CCDC88C: variants seen among roughly 807,000 people sequenced by gnomAD.
The protein encoded by CCDC88C is protein Daple.
In CCDC88C, 131 loss-of-function variants were observed where a neutral mutation model predicts 198.8. The ratio of observed to expected loss-of-function variants is 0.66; its 90% CI spans 0.57 to 0.76. The LOEUF (loss-of-function observed/expected upper bound fraction) is 0.76, where lower values mean the gene tolerates loss of function less well. Ranked by LOEUF, CCDC88C falls within the 30% of genes least tolerant of loss-of-function variation. The probability of loss-of-function intolerance (pLI) is 0.00; values close to 1 mark genes in which losing one functional copy is unlikely to be tolerated. For missense variants in CCDC88C, 2,553 were observed against 2,631.6 expected (o/e 0.97, Z 0.65); for synonymous variants, 1,166 against 1,114.7 (o/e 1.05, Z -0.92).
At chr14:91,296,584 G>T (rs1309358345) in intron 22 of CCDC88C, among the ~76,000 whole-genome samples, 2 of 152,244 alleles carry the variant, frequency 1.3e-5, no homozygotes, top group Non-Finnish European at 2.9e-5. Context: ...CAAGATCTGG[G>T]TGGGTGGCTG....
intron 24 of CCDC88C, among the ~76,000 whole-genome samples, chr14:91,289,633 G>C (rs1890576607): frequency 6.6e-6 from 1 of 152,162 alleles, no homozygotes; most frequent in Admixed American, 6.5e-5. Flanking sequence ...GCTTAATTTA[G>C]TTGGCAATTT....
intron 10 of CCDC88C, among the ~76,000 whole-genome samples, chr14:91,333,636 T>C (rs879582587): frequency 6.6e-5 from 10 of 152,244 alleles, no homozygotes; most frequent in Non-Finnish European, 2.9e-5. Flanking sequence ...CTTTTTCAGT[T>C]TCCTATAACG....
intron 10 of CCDC88C, among the ~76,000 whole-genome samples, chr14:91,335,383 C>T (rs1893006863): frequency 6.6e-6 from 1 of 152,172 alleles, no homozygotes; most frequent in Non-Finnish European, 1.5e-5. Flanking sequence ...CACCCAGACA[C>T]ACCAGGACCT....
At chr14:91,348,549 A>T (rs530341040) in intron 4 of CCDC88C, among the ~76,000 whole-genome samples, 1 of 152,092 alleles carries the variant, frequency 6.6e-6, no homozygotes, top group East Asian at 1.9e-4. Flanking sequence ...GACAGAGCAA[A>T]CGGTTCTACT....
At chr14:91,333,028 T>C (rs1892899669) in intron 10 of CCDC88C, among the ~76,000 whole-genome samples, 2 of 152,198 alleles carry the variant, frequency 1.3e-5, no homozygotes, top group African/African-American at 4.8e-5. Flanking sequence ...AGAAGCACTC[T>C]CTTCATCTGC....
chr14:91,324,492 G>A (rs764361001), intron 12 of CCDC88C, among the ~76,000 whole-genome samples: 3 of 152,276 alleles, frequency 2.0e-5, no homozygotes, highest in Non-Finnish European at 4.4e-5. Context: ...GCCTCTGGGT[G>A]TCAGTGCACT....
intron 4 of CCDC88C, among the ~76,000 whole-genome samples, chr14:91,345,197 T>A (rs1288231203): frequency 9.9e-5 from 13 of 130,726 alleles, no homozygotes; most frequent in Non-Finnish European, 1.8e-4. Context: ...TATATTTTTT[T>A]TTTTTTTTTT....
chr14:91,417,756 C>CAAAACGGCGCCGCGGCAA lies in CCDC88C; in HGVS notation c.-67_-66insTTGCCGCGGCGCCGTTTT. ...GTCCCCGTTCCCCCGCGCCGCGGCA[C>CAAAACGGCGCCGCGGCAA]AAAACGGCTCCGCAGCGAGCAGCGG... is the stretch of plus-strand genomic sequence containing the variant. On this transcript the variant is annotated 5_prime_UTR_variant, in exon 1 of 30. Coordinates refer to ENST00000389857, the MANE Select transcript of CCDC88C (RefSeq NM_001080414.4). The CAAAACGGCGCCGCGGCAA allele has an allele frequency of 7.6e-7, 1 of 1,323,366 alleles. No individual in the cohort carries two copies. Among genetic ancestry groups the CAAAACGGCGCCGCGGCAA allele is most frequent in the Non-Finnish European group, 9.9e-7 (1 of 1,006,508 alleles). 82.0% of individuals were successfully genotyped at this position (1,323,366 alleles called of 1,614,324 possible).
At chr14:91,336,987 C>G (rs947850140) in intron 10 of CCDC88C, among the ~76,000 whole-genome samples, 4 of 152,228 alleles carry the variant, frequency 2.6e-5, no homozygotes, top group Non-Finnish European at 5.9e-5. Context: ...TATTTCTTAG[C>G]CTTGAACAAG....
intron 20 of CCDC88C, among the ~76,000 whole-genome samples, chr14:91,303,189 C>G (rs1031919569): frequency 6.6e-6 from 1 of 151,916 alleles, no homozygotes; most frequent in South Asian, 2.1e-4. Flanking sequence ...GCAGGCCTAC[C>G]CAGGGGCCCC....
intron 21 of CCDC88C, among the ~76,000 whole-genome samples, chr14:91,298,383 A>T (rs983174709): frequency 3.3e-5 from 5 of 152,024 alleles, no homozygotes; most frequent in African/African-American, 4.8e-5. Flanking sequence ...AAAAAAAAAA[A>T]TGTTGCCGGG....
intron 27 of CCDC88C, among the ~76,000 whole-genome samples, chr14:91,280,454 C>T (rs1032458061): frequency 1.4e-4 from 21 of 152,318 alleles, no homozygotes; most frequent in African/African-American, 4.8e-4. Context: ...CCTCCCTGAG[C>T]AGTGAAAATG....
At chr14:91,359,160 CTTTTTTTT>C (rs950112450) in intron 4 of CCDC88C, among the ~76,000 whole-genome samples, 1 of 108,656 alleles carries the variant, frequency 9.2e-6, no homozygotes, top group Admixed American at 1.0e-4. Flanking sequence ...AGGCTTCATT[CTTTTTTTT>C]TTTTTTTTTT....
In CCDC88C at chr14:91,273,189, G is replaced by A. The variant is rs980364075; in HGVS notation, c.5523C>T (p.Gly1841=). 5 of 1,576,838 alleles carry A rather than the reference G, an allele frequency of 3.2e-6. No individual in the cohort carries two copies. In the African/African-American group the frequency reaches 4.0e-5, roughly 13 times the overall value. The change falls in exon 30 of 30, where the codon GGC becomes GGT. Residue 1841 remains glycine, a synonymous_variant. Coordinates refer to ENST00000389857, the MANE Select transcript of CCDC88C (RefSeq NM_001080414.4). The surrounding 1 kb of genome is among the most constrained non-coding windows in gnomAD (Gnocchi z 5.6). ...GTGCGGGGCTTTGCAGGGTGTGGCT[G>A]CCTGTCTCTCTGCCCCCTAAGGCCT... is the stretch of plus-strand genomic sequence containing the variant. ...APEALGGRET[G]SHTLQSPAPP...
In CCDC88C at chr14:91,277,910, C is replaced by G. The variant is rs960384166; in HGVS notation, c.5058+12G>C. 8.8e-6 allele frequency: 13 copies of G among 1,482,798 alleles called. No individual in the cohort carries two copies. The highest frequency in any genetic ancestry group is 1.2e-5 in the Non-Finnish European group (13 of 1,108,292). 91.9% of individuals were successfully genotyped at this position (1,482,798 alleles called of 1,614,324 possible). A position where few individuals can be genotyped will look rare whatever the true frequency, so the allele number is the denominator to read the frequency against. On this transcript the variant is annotated intron_variant, in intron 29 of 29. Coordinates refer to ENST00000389857, the MANE Select transcript of CCDC88C (RefSeq NM_001080414.4). ...AAGAGAGACGGGCCAAGTCCGTGTC[C>G]GGATCACTCACATGGGTGGGGGAGC...
chr14:91,369,184 G>A (rs774941088), intron 3 of CCDC88C, among the ~76,000 whole-genome samples: 8 of 152,096 alleles, frequency 5.3e-5, no homozygotes, highest in South Asian at 4.1e-4. Context: ...GCACAGGCCC[G>A]CCCCAAACCT....
intron 4 of CCDC88C, among the ~76,000 whole-genome samples, chr14:91,353,945 C>T (rs765093224): frequency 6.6e-6 from 1 of 152,188 alleles, no homozygotes; most frequent in Non-Finnish European, 1.5e-5. Flanking sequence ...TCAGGGCAGA[C>T]CAGTGACAGT....
chr14:91,331,085 C>CCCCTTT (rs1226647914), intron 10 of CCDC88C, among the ~76,000 whole-genome samples: 29 of 111,624 alleles, frequency 2.6e-4, no homozygotes, highest in Admixed American at 2.0e-3. Flanking sequence ...CCTTTACTGG[C>CCCCTTT]AAGAGTGGCT....
Position 91,339,943 on chromosome 14 carries a change from A to T in CCDC88C, c.565T>A (p.Ser189Thr). Residue 189 changes from serine to threonine, a missense_variant, in exon 7 of 30, where the codon TCG (serine) becomes ACG (threonine). By Grantham distance (58) the Ser-to-Thr change is moderately conservative. Transcript: ENST00000389857. This position sits in a 1 kb window ranked among gnomAD's most constrained non-coding sequence, Gnocchi z 5.8. ...DVAPEELEALSRSMVLHLRRL... is the reference protein window; with the variant it reads ...DVAPEELEALTRSMVLHLRRL... ...CGCAGGTGGAGCACCATGCTCCTCGACAGGGCCTCCAGCTCCTCCGGAGCC... is the reference window on the plus strand; with the variant it reads ...CGCAGGTGGAGCACCATGCTCCTCGTCAGGGCCTCCAGCTCCTCCGGAGCC... The T allele has an allele frequency of 6.3e-7, 1 of 1,599,276 alleles. No individual in the cohort carries two copies. The highest frequency in any genetic ancestry group is 8.5e-7 in the Non-Finnish European group (1 of 1,174,094).
Sources: gnomAD v4.1 joint callset for allele counts (sites outside exome capture counted in the v4.1 genomes callset) on GRCh38, gnomAD v4.1.1 for gene constraint, Gnocchi (gnomAD v3.1) non-coding constraint, MANE v1.5 for transcripts, NCBI Gene and HGNC (gene_info 2026-07-23, HGNC 2026-07-21) for gene names.